MTHFD2L: variants seen among roughly 807,000 people sequenced by gnomAD.
MTHFD2L encodes the protein methylenetetrahydrofolate dehydrogenase (NADP+ dependent) 2 like, also known as bifunctional methylenetetrahydrofolate dehydrogenase/cyclohydrolase 2, mitochondrial.
Under a neutral mutation model 34.9 loss-of-function variants are expected in MTHFD2L, and 29 were observed. The observed-to-expected ratio is 0.83, with a 90% CI of 0.62 to 1.13. MTHFD2L has a LOEUF of 1.13. Ranked by LOEUF, MTHFD2L falls within the 50% of genes most tolerant of loss-of-function variation. The probability of loss-of-function intolerance (pLI) is 0.00; values close to 1 mark genes in which losing one functional copy is unlikely to be tolerated. For synonymous variants in MTHFD2L, 167 were observed against 155.7 expected (o/e 1.07, Z -0.54); for missense variants, 481 against 446.5 (o/e 1.08, Z -0.70).
chr4:74,226,190 C>A (rs1230580302), intron 6 of MTHFD2L, among the ~76,000 whole-genome samples: 3 of 148,706 alleles, frequency 2.0e-5, no homozygotes, highest in African/African-American at 2.5e-5. Flanking sequence ...TTTTGGTTGA[C>A]AAAAAAAAAA....
At chr4:74,288,106 T>G (rs978236134) in intron 7 of MTHFD2L, among the ~76,000 whole-genome samples, 1 of 152,194 alleles carries the variant, frequency 6.6e-6, no homozygotes, top group African/African-American at 2.4e-5. Flanking sequence ...CCTATGCTAA[T>G]AACCTCATTT....
chr4:74,139,004 T>C (rs1294406870), intron 1 of MTHFD2L, among the ~76,000 whole-genome samples: 2 of 152,208 alleles, frequency 1.3e-5, no homozygotes, highest in Admixed American at 1.3e-4. Context: ...TAAAGGTAGG[T>C]GCAGTCACCT....
chr4:74,201,143 G>C, intron 4 of MTHFD2L, 120 bp from the exon 5 acceptor site: 1 of 641,462 alleles, frequency 1.6e-6, no homozygotes, highest in South Asian at 2.3e-5. Context: ...TTATAGATAA[G>C]CCACATAATA....
chr4:74,149,231 T>C (rs1723785029), intron 1 of MTHFD2L, among the ~76,000 whole-genome samples: 1 of 151,864 alleles, frequency 6.6e-6, no homozygotes, highest in Admixed American at 6.6e-5. Flanking sequence ...TGTATCCTTT[T>C]TGGCTTCTAA....
chr4:74,185,446 A>G (rs1731026739), intron 3 of MTHFD2L, among the ~76,000 whole-genome samples: 1 of 152,034 alleles, frequency 6.6e-6, no homozygotes, highest in Admixed American at 6.6e-5. Flanking sequence ...AATTAAACAC[A>G]ACATAAAAAC....
Position 74,132,803 on chromosome 4 carries a change from T to G in MTHFD2L, c.-297+7286T>G, listed in dbSNP as rs117259466. ...CCACAAACACTTTGAATTTTTATTA[T>G]ATCAGTTCGCATATTTTAAAAATAT... is the stretch of plus-strand genomic sequence containing the variant. On this transcript the variant is annotated intron_variant, in intron 1 of 7. Coordinates refer to the MTHFD2L transcript ENST00000433372. 1.1e-3 allele frequency among the ~76,000 whole-genome samples: 163 copies of G among 152,314 alleles called. 3 individuals carry two copies. In the East Asian group the frequency reaches 0.025, roughly 23 times the overall value.
At chr4:74,170,327 A>G (rs6446975) in intron 1 of MTHFD2L, among the ~76,000 whole-genome samples, 113,010 of 152,038 alleles carry the variant, frequency 0.74, 49,471 homozygotes, top group Non-Finnish European at 0.95. Context: ...AACATTTGAA[A>G]ATTGATCAGT....
chr4:74,167,308 A>G (rs1282404814), intron 1 of MTHFD2L, among the ~76,000 whole-genome samples: 1 of 152,230 alleles, frequency 6.6e-6, no homozygotes, highest in Non-Finnish European at 1.5e-5. Flanking sequence ...TCCCTGCTGA[A>G]GCCAGTTTAG....
upstream of MTHFD2L, among the ~76,000 whole-genome samples, chr4:74,119,097 AT>A (rs1389780146): frequency 6.6e-6 from 1 of 152,194 alleles, no homozygotes; most frequent in Non-Finnish European, 1.5e-5. Context: ...GTGGCAGGTG[AT>A]AATTCAGCTG....
chr4:74,237,349 G>A (rs1276232796), intron 6 of MTHFD2L, among the ~76,000 whole-genome samples: 1 of 152,098 alleles, frequency 6.6e-6, no homozygotes, highest in Non-Finnish European at 1.5e-5. Flanking sequence ...CCTTTCTTTA[G>A]AAGTCAAGTG....
intron 1 of MTHFD2L, among the ~76,000 whole-genome samples, chr4:74,129,270 C>T (rs1560402330): frequency 6.6e-6 from 1 of 152,100 alleles, no homozygotes; most frequent in Non-Finnish European, 1.5e-5. Flanking sequence ...GAACTCTCCA[C>T]CCAAAATCAA....
intron 3 of MTHFD2L, chr4:74,194,659 T>A (rs973713456): frequency 6.6e-6 from 1 of 152,024 alleles, no homozygotes; most frequent in Non-Finnish European, 1.5e-5. Flanking sequence ...AGCCTAAAGG[T>A]TTTTCTGTAT....
chr4:74,141,053 T>C (rs1195597101), intron 1 of MTHFD2L, among the ~76,000 whole-genome samples: 2 of 152,224 alleles, frequency 1.3e-5, no homozygotes, highest in African/African-American at 4.8e-5. Context: ...TTTATGCTAG[T>C]TTTTATAATA....
At position 74,158,254 on chromosome 4, in the gene MTHFD2L, T is replaced by G. The variant is rs766671502; in HGVS notation, c.116T>G (p.Phe39Cys). The G allele has an allele frequency of 1.1e-4, 158 of 1,459,782 alleles. No individual in the cohort carries two copies. Among genetic ancestry groups the G allele is most frequent in the Non-Finnish European group, 1.3e-4 (144 of 1,107,852 alleles). 90.4% of individuals were successfully genotyped at this position (1,459,782 alleles called of 1,614,324 possible). A position where few individuals can be genotyped will look rare whatever the true frequency, so the allele number is the denominator to read the frequency against. ...GCACCGGGAGAGCCCGGGAGTGCGT[T>G]CCGGGGCTTTCGGAGCAGCGGTGTG... is the stretch of plus-strand genomic sequence containing the variant. Reference protein sequence around the residue: ...VRAPGEPGSAFRGFRSSGVRH... With the variant: ...VRAPGEPGSACRGFRSSGVRH... Residue 39 changes from phenylalanine (F) to cysteine (C), a missense_variant, in exon 1 of 8, where the codon TTC becomes TGC. By Grantham distance (205) the Phe-to-Cys change is radical (BLOSUM62 -2). Transcript: ENST00000325278.
chr4:74,235,843 T>C (rs1740758965), intron 6 of MTHFD2L, among the ~76,000 whole-genome samples: 1 of 152,174 alleles, frequency 6.6e-6, no homozygotes, highest in Non-Finnish European at 1.5e-5. Flanking sequence ...GTTGTTCTTT[T>C]GTTACCCCGA....
At chr4:74,234,919 A>G (rs1018082043) in intron 6 of MTHFD2L, among the ~76,000 whole-genome samples, 1 of 152,074 alleles carries the variant, frequency 6.6e-6, no homozygotes, top group African/African-American at 2.4e-5. Context: ...GACTCTGAAA[A>G]GTACATGAAT....
At position 74,302,612 on chromosome 4, in the gene MTHFD2L, T is replaced by TA. The variant is rs534354662; in HGVS notation, c.*810dup. The stretch of plus-strand genomic sequence containing the variant: ...CCTTCACTGAGCAATAGTGGAAAAA[T>TA]AAAAAAATAAGTAAACAGAAAAAAC... On this transcript the variant is annotated 3_prime_UTR_variant, in exon 8 of 8. Transcript: ENST00000325278. 6.6e-6 allele frequency: 1 copy of TA among 151,812 alleles called. No individual in the cohort carries two copies. Among genetic ancestry groups the TA allele is most frequent in the African/African-American group, 2.4e-5 (1 of 41,364 alleles). 9.4% of individuals were successfully genotyped at this position (151,812 alleles called of 1,614,324 possible).
intron 3 of MTHFD2L, among the ~76,000 whole-genome samples, chr4:74,192,128 A>T (rs1429789757): frequency 6.6e-6 from 1 of 152,100 alleles, no homozygotes; most frequent in Non-Finnish European, 1.5e-5. Flanking sequence ...GCGGTTAAAA[A>T]ATATATATAA....
At chr4:74,270,592 C>G (rs1192846555) in intron 6 of MTHFD2L, among the ~76,000 whole-genome samples, 1 of 152,136 alleles carries the variant, frequency 6.6e-6, no homozygotes, top group African/African-American at 2.4e-5. Context: ...TGGGTTGGTT[C>G]CAAGTCTTTG....
Sources: gnomAD v4.1 joint callset for allele counts (sites outside exome capture counted in the v4.1 genomes callset) on GRCh38, gnomAD v4.1.1 for gene constraint, MANE v1.5 for transcripts, NCBI Gene and HGNC (gene_info 2026-07-23, HGNC 2026-07-21) for gene names.